UNC13C: variants seen among roughly 807,000 people sequenced by gnomAD.
UNC13C encodes the protein unc-13 homolog C, also known as protein unc-13 homolog C.
In UNC13C, 174 loss-of-function variants were observed where a neutral mutation model predicts 245.4. That is an observed-to-expected ratio of 0.71 (90% CI 0.63 to 0.80). The LOEUF (loss-of-function observed/expected upper bound fraction) is 0.80. UNC13C is among the 30% of genes least tolerant of loss of function. The probability of loss-of-function intolerance (pLI) is 0.00; values close to 1 mark genes in which losing one functional copy is unlikely to be tolerated. For synonymous variants in UNC13C, 992 were observed against 895.1 expected (o/e 1.11, Z -1.93); for missense variants, 2,829 against 2,602.9 (o/e 1.09, Z -1.89).
intron 4 of UNC13C, among the ~76,000 whole-genome samples, chr15:54,229,022 C>T (rs2140809115): frequency 6.6e-6 from 1 of 152,322 alleles, no homozygotes; most frequent in South Asian, 2.1e-4. Context: ...CAGGATCCAA[C>T]TGCTGGGATG....
chr15:53,997,230 T>C (rs1894676620), intron 1 of UNC13C, among the ~76,000 whole-genome samples: 1 of 152,214 alleles, frequency 6.6e-6, no homozygotes, highest in Admixed American at 6.5e-5. Flanking sequence ...GAAGTGTTTA[T>C]TCAAGTCTTT....
chr15:54,225,181 T>A (rs1353021356), intron 4 of UNC13C, among the ~76,000 whole-genome samples: 4 of 151,806 alleles, frequency 2.6e-5, no homozygotes, highest in East Asian at 3.9e-4. Context: ...TTTTTTTTTT[T>A]AACTAGTACC....
chr15:54,224,261 C>A (rs1454186572), intron 4 of UNC13C, among the ~76,000 whole-genome samples: 1 of 152,056 alleles, frequency 6.6e-6, no homozygotes, highest in African/African-American at 2.4e-5. Flanking sequence ...ATGTTACTAG[C>A]TGTGTGTCTG....
At chr15:54,352,786 C>G (rs938312439) in intron 17 of UNC13C, among the ~76,000 whole-genome samples, 10 of 152,134 alleles carry the variant, frequency 6.6e-5, no homozygotes, top group African/African-American at 2.4e-4. Context: ...ATGAATTGGT[C>G]CCTTTCTTTA....
intron 4 of UNC13C, among the ~76,000 whole-genome samples, chr15:54,166,353 A>G (rs1251048392): frequency 6.6e-6 from 1 of 152,090 alleles, no homozygotes; most frequent in African/African-American, 2.4e-5. Context: ...ATTATTTATT[A>G]CCCAATCATA....
chr15:54,462,212 A>G (rs1349708358), intron 19 of UNC13C, among the ~76,000 whole-genome samples: 3 of 152,256 alleles, frequency 2.0e-5, no homozygotes, highest in South Asian at 2.1e-4. Context: ...TAATAAAAAG[A>G]AAATAGAATT....
At chr15:54,449,340 A>C (rs931192584) in intron 19 of UNC13C, among the ~76,000 whole-genome samples, 3 of 152,144 alleles carry the variant, frequency 2.0e-5, no homozygotes, top group Non-Finnish European at 2.9e-5. Flanking sequence ...AGGTTGGGGA[A>C]GTTCTCCCGG....
At chr15:54,099,269 C>T (rs1897009) in intron 2 of UNC13C, among the ~76,000 whole-genome samples, 38,491 of 152,018 alleles carry the variant, frequency 0.25, 5,957 homozygotes, top group Non-Finnish European at 0.34. Context: ...GGATGAAATG[C>T]TCCCCTTTCT....
chr15:54,044,068 G>A (rs749348587), intron 2 of UNC13C, among the ~76,000 whole-genome samples: 30 of 152,008 alleles, frequency 2.0e-4, no homozygotes, highest in Non-Finnish European at 3.1e-4. Flanking sequence ...GTTTATTGTC[G>A]TCACTCTCTT....
chr15:53,913,336 C>T, the UNC13C span: 1 of 152,196 alleles, frequency 6.6e-6, no homozygotes, highest in Non-Finnish European at 1.5e-5. Flanking sequence ...CAGTTAGGGC[C>T]TATGGCAGTG....
intron 10 of UNC13C, among the ~76,000 whole-genome samples, chr15:54,269,247 G>A (rs948346621): frequency 6.6e-6 from 1 of 151,712 alleles, no homozygotes; most frequent in Non-Finnish European, 1.5e-5. Flanking sequence ...GTTCATCACT[G>A]ACATATCTCC....
chr15:53,980,457 T>C (rs1262766011), intron 1 of UNC13C, among the ~76,000 whole-genome samples: 1 of 152,234 alleles, frequency 6.6e-6, no homozygotes, highest in African/African-American at 2.4e-5. Context: ...GGTGAAACAC[T>C]ATAGCAGTAA....
At chr15:54,375,749 T>A (rs1365528536) in intron 17 of UNC13C, among the ~76,000 whole-genome samples, 1 of 152,192 alleles carries the variant, frequency 6.6e-6, no homozygotes, top group Admixed American at 6.5e-5. Context: ...GATGTGAGTT[T>A]GCGTGAGGAC....
the UNC13C span, among the ~76,000 whole-genome samples, chr15:53,861,918 C>T: frequency 6.6e-6 from 1 of 152,156 alleles, no homozygotes; most frequent in Non-Finnish European, 1.5e-5. Flanking sequence ...TATCTTGTCC[C>T]TCCAACTCAG....
intron 17 of UNC13C, among the ~76,000 whole-genome samples, chr15:54,358,601 A>ATTTATT (rs56289623): frequency 0.47 from 70,727 of 151,504 alleles, 16,824 homozygotes; most frequent in East Asian, 0.73. Flanking sequence ...TACATTCTTG[A>ATTTATT]TTTGAGATAG....
chr15:53,919,107 T>G, the UNC13C span, among the ~76,000 whole-genome samples: 2 of 152,316 alleles, frequency 1.3e-5, no homozygotes, highest in East Asian at 1.9e-4. Flanking sequence ...GACTCACATT[T>G]TCATAGTACT....
chr15:54,441,269 A>G (rs1342782214), intron 19 of UNC13C, among the ~76,000 whole-genome samples: 1 of 151,928 alleles, frequency 6.6e-6, no homozygotes, highest in Admixed American at 6.6e-5. Flanking sequence ...GTTTTCTTCA[A>G]GTTCTCTTCT....
chr15:53,898,835 A>G, the UNC13C span, among the ~76,000 whole-genome samples: 22,648 of 152,258 alleles, frequency 0.15, 1,934 homozygotes, highest in South Asian at 0.2. Flanking sequence ...TATACAATAC[A>G]GTATTATTGG....
At chr15:53,906,048 A>G in the UNC13C span, among the ~76,000 whole-genome samples, 1 of 152,160 alleles carries the variant, frequency 6.6e-6, no homozygotes, top group Admixed American at 6.5e-5. Flanking sequence ...AAGTCTCTGC[A>G]ATAGGCTTGG....
Sources: allele counts gnomAD v4.1 joint callset (sites outside exome capture counted in the v4.1 genomes callset), GRCh38; gene constraint gnomAD v4.1.1; transcripts MANE v1.5; gene names NCBI Gene and HGNC (gene_info 2026-07-23, HGNC 2026-07-21).